Variants in RYR2 observed in about 807,000 individuals in gnomAD.
The protein encoded by RYR2 is ryanodine receptor 2.
In RYR2, 227 loss-of-function variants were observed where a neutral mutation model predicts 601.1. The ratio of observed to expected loss-of-function variants is 0.38; its 90% confidence interval spans 0.34 to 0.42. The LOEUF (loss-of-function observed/expected upper bound fraction) is 0.42, where lower values mean the gene tolerates loss of function less well. RYR2 is among the 10% of genes least tolerant of loss of function. The pLI is 1.00. For synonymous variants in RYR2, 2,223 were observed against 2,175.1 expected (o/e 1.02, Z -0.61); for missense variants, 4,646 against 6,156.5 (o/e 0.75, Z 8.21).
chr1:237,059,435 A>C (rs969475785), intron 1 of RYR2, among the ~76,000 whole-genome samples: 2 of 152,124 alleles, frequency 1.3e-5, no homozygotes, highest in Admixed American at 1.3e-4. Flanking sequence ...AGGAGTCGAG[A>C]ACTCTGCATA....
At chr1:237,609,296 C>G (rs1012301211) in intron 35 of RYR2, among the ~76,000 whole-genome samples, 3 of 147,826 alleles carry the variant, frequency 2.0e-5, no homozygotes, top group African/African-American at 7.4e-5. Flanking sequence ...TACAACCTCT[C>G]TCTCTCTCTT....
chr1:237,157,978 T>C (rs1675586753), intron 1 of RYR2, among the ~76,000 whole-genome samples: 1 of 152,200 alleles, frequency 6.6e-6, no homozygotes, highest in African/African-American at 2.4e-5. Flanking sequence ...TATGCTATTA[T>C]CAAGATAGCA....
At chr1:237,785,078 T>C (rs146214239) in intron 90 of RYR2, 106 bp downstream of exon 90, 8 of 832,662 alleles carry the variant, frequency 9.6e-6, no homozygotes, top group Admixed American at 2.1e-5. Context: ...GTGTTACCTA[T>C]GTGACTTGAA....
At chr1:237,659,240 G>C (rs371294566) in intron 54 of RYR2, among the ~76,000 whole-genome samples, 9 of 152,084 alleles carry the variant, frequency 5.9e-5, no homozygotes, top group East Asian at 3.9e-4. Context: ...ATAAGTATCT[G>C]GTTCTTCATT....
chr1:237,351,616 A>G (rs767352588), intron 3 of RYR2, among the ~76,000 whole-genome samples: 2 of 152,050 alleles, frequency 1.3e-5, no homozygotes, highest in Admixed American at 1.3e-4. Context: ...AGCGAAATAC[A>G]GTTTACCAAC....
At chr1:237,172,483 C>T (rs1677518829) in intron 1 of RYR2, among the ~76,000 whole-genome samples, 1 of 151,358 alleles carries the variant, frequency 6.6e-6, no homozygotes, top group African/African-American at 2.4e-5. Flanking sequence ...TATTTTTGAT[C>T]TTAAATACCT....
intron 3 of RYR2, among the ~76,000 whole-genome samples, chr1:237,349,917 G>A (rs754853983): frequency 1.3e-5 from 2 of 152,066 alleles, no homozygotes; most frequent in Non-Finnish European, 1.5e-5. Context: ...GTTCATAGCT[G>A]TGTAACTATA....
rs1553380508 is a variant in RYR2 at position 237,284,505 on chromosome 1, A to AATATATATAATATGTAAATATATAT, written c.168+13890_168+13891insTATATATAATATGTAAATATATATA. 4.7e-4 allele frequency among the ~76,000 whole-genome samples: 67 copies of AATATATATAATATGTAAATATATAT among 141,998 alleles called. 1 individual carries two copies. The highest frequency in any genetic ancestry group is 1.6e-3 in the African/African-American group (61 of 37,712). The allele number at this position is 141,998 out of a possible 152,430, so 93.2% of individuals were successfully genotyped here. ...ATATATAATATATAAAATATATATA[A>AATATATATAATATGTAAATATATAT]AATATATATAATATATGTATTGTGT... is the stretch of plus-strand genomic sequence containing the variant. On this transcript the variant is annotated intron_variant, in intron 2 of 104. Coordinates refer to ENST00000366574, the MANE Select transcript of RYR2 (RefSeq NM_001035.3).
In RYR2 at chr1:237,787,960, C is replaced by T. The variant is rs201400254; in HGVS notation, c.13329-28C>T. 1.3e-4 allele frequency: 204 copies of T among 1,565,354 alleles called. 2 individuals carry two copies. In the African/African-American group the frequency reaches 2.0e-3, roughly 15 times the overall value. ...GTTTAGTTCTTTAGTTTCTGGAGAG[C>T]TTATGTTTTGTTTGTTTGTTTTCAT... On this transcript the variant is annotated intron_variant, in intron 91 of 104. Transcript: ENST00000366574.
chr1:237,182,215 G>A lies in RYR2; in HGVS notation c.49-88282G>A, dbSNP rs1390482571. ...TGGCTCACTGCAGACTCCGCCTCCC[G>A]GGTTCAATCAATTCTCCTTCCTCAG... is the stretch of plus-strand genomic sequence containing the variant. On this transcript the variant is annotated intron_variant, in intron 1 of 104. Transcript: ENST00000366574. 5.3e-5 allele frequency among the ~76,000 whole-genome samples: 8 copies of A among 152,078 alleles called. No homozygotes were observed. In the East Asian group the frequency reaches 1.4e-3, roughly 26 times the overall value.
chr1:237,369,233 A>G (rs1700447606), intron 5 of RYR2, among the ~76,000 whole-genome samples: 1 of 152,116 alleles, frequency 6.6e-6, no homozygotes, highest in Admixed American at 6.6e-5. Flanking sequence ...CCATAATATA[A>G]TGGGAAAGAG....
chr1:237,373,185 G>A (rs1463687249), intron 6 of RYR2, among the ~76,000 whole-genome samples: 1 of 152,152 alleles, frequency 6.6e-6, no homozygotes, highest in Non-Finnish European at 1.5e-5. Flanking sequence ...GGGGATTATC[G>A]TGGGCTACCT....
chr1:237,074,552 C>T (rs1232079526), intron 1 of RYR2, among the ~76,000 whole-genome samples: 1 of 152,182 alleles, frequency 6.6e-6, no homozygotes, highest in Admixed American at 6.5e-5. Context: ...TGTCTTATTG[C>T]ATAACTTGTT....
At chr1:237,697,500 ATATAAT>A (rs1179512457) in intron 63 of RYR2, among the ~76,000 whole-genome samples, 2 of 145,002 alleles carry the variant, frequency 1.4e-5, no homozygotes, top group South Asian at 4.2e-4. Flanking sequence ...ATATTATATA[ATATAAT>A]TATATATAAT....
intron 59 of RYR2, among the ~76,000 whole-genome samples, 172 bp from the exon 60 acceptor site, chr1:237,674,559 T>A (rs1462903810): frequency 6.6e-6 from 1 of 152,082 alleles, no homozygotes; most frequent in African/African-American, 2.4e-5. Context: ...TCTTTATAGG[T>A]TAAATCTTAC....
At position 237,809,047 on chromosome 1, in the gene RYR2, A is replaced by G; in HGVS notation, c.14433+12A>G. The G allele has an allele frequency of 6.2e-7, 1 of 1,609,500 alleles. No homozygotes were observed. The highest frequency in any genetic ancestry group is 8.5e-7 in the Non-Finnish European group (1 of 1,177,076). ...ACGATATGCTAACAGTAAGTTCATA[A>G]CCTTTGATCTCACATAAACAAAAAT... On this transcript the variant is annotated intron_variant, in intron 100 of 104. Coordinates refer to ENST00000366574, the MANE Select transcript of RYR2 (RefSeq NM_001035.3).
rs547035249 is a variant in RYR2 at position 237,506,144 on chromosome 1, T to G, written c.2614-566T>G. Among the ~76,000 whole-genome samples, 250 of 141,426 alleles carry G rather than the reference T, an allele frequency of 1.8e-3. 2 individuals carry two copies. The highest frequency in any genetic ancestry group is 6.1e-3 in the African/African-American group (237 of 38,700). The allele number at this position is 141,426 out of a possible 152,430, so 92.8% of individuals were successfully genotyped here. Reference sequence around the variant, plus strand: ...CCCATATCCATTAAACATCTTTTGGTTGTCCCCACCAACACTCCTTTTTTT... The same window carrying G: ...CCCATATCCATTAAACATCTTTTGGGTGTCCCCACCAACACTCCTTTTTTT... On this transcript the variant is annotated intron_variant, in intron 22 of 104. Coordinates refer to ENST00000366574, the MANE Select transcript of RYR2 (RefSeq NM_001035.3).
chr1:237,260,911 T>A (rs1688447009), intron 1 of RYR2, among the ~76,000 whole-genome samples: 1 of 152,228 alleles, frequency 6.6e-6, no homozygotes, highest in Non-Finnish European at 1.5e-5. Flanking sequence ...GCATGCAAAC[T>A]GAGGACTGCC....
chr1:237,438,029 C>A (rs1558817683), intron 12 of RYR2, among the ~76,000 whole-genome samples: 1 of 151,784 alleles, frequency 6.6e-6, no homozygotes, highest in African/African-American at 2.4e-5. Context: ...ATCTGATCTA[C>A]AGATTGAAAA....
Sources: allele counts gnomAD v4.1 joint callset (sites outside exome capture counted in the v4.1 genomes callset), GRCh38; gene constraint gnomAD v4.1.1; transcripts MANE v1.5; gene names NCBI Gene and HGNC (gene_info 2026-07-23, HGNC 2026-07-21).